Variants in CYSLTR2 observed in about 807,000 individuals in gnomAD.
CYSLTR2 encodes the protein cysteinyl leukotriene receptor 2.
For missense variants in CYSLTR2, 398 were observed against 411.9 expected (o/e 0.97, Z 0.29); for synonymous variants, 179 against 160.8 (o/e 1.11, Z -0.86).
chr13:48,678,383 G>A (rs1316254873), intron 1 of CYSLTR2, among the ~76,000 whole-genome samples: 1 of 151,928 alleles, frequency 6.6e-6, no homozygotes, highest in Admixed American at 6.6e-5. Context: ...GCAAGTCTTG[G>A]CATTGTGTTC....
intron 4 of CYSLTR2, among the ~76,000 whole-genome samples, chr13:48,703,545 A>G (rs765258512): frequency 6.6e-6 from 1 of 152,156 alleles, no homozygotes; most frequent in African/African-American, 2.4e-5. Flanking sequence ...GAATTTTGTC[A>G]TGCACTTTTA....
intron 4 of CYSLTR2, among the ~76,000 whole-genome samples, chr13:48,700,870 A>G (rs536284912): frequency 6.6e-6 from 1 of 152,196 alleles, no homozygotes; most frequent in East Asian, 1.9e-4. Flanking sequence ...TAACAGACAA[A>G]CAAAGAGCCA....
chr13:48,678,417 C>T (rs1288590326), intron 1 of CYSLTR2, among the ~76,000 whole-genome samples: 1 of 152,110 alleles, frequency 6.6e-6, no homozygotes. Context: ...TATCATTTGG[C>T]CAGTCTTTCT....
intron 2 of CYSLTR2, among the ~76,000 whole-genome samples, chr13:48,691,812 G>T (rs1019965813): frequency 6.6e-6 from 1 of 151,810 alleles, no homozygotes; most frequent in Non-Finnish European, 1.5e-5. Flanking sequence ...ATCCTTGAAA[G>T]ATATTTATAT....
chr13:48,706,646 T>C (rs1954495869), intron 4 of CYSLTR2, 171 bp from the exon 5 acceptor site: 1 of 566,306 alleles, frequency 1.8e-6, no homozygotes, highest in South Asian at 2.5e-5. Flanking sequence ...TATTATGAAA[T>C]GTAATGCAGC....
chr13:48,689,259 A>G (rs1953974721), intron 1 of CYSLTR2, among the ~76,000 whole-genome samples: 1 of 152,080 alleles, frequency 6.6e-6, no homozygotes, highest in Non-Finnish European at 1.5e-5. Context: ...TCTTTAGTTT[A>G]ATTAGATCCC....
intron 4 of CYSLTR2, among the ~76,000 whole-genome samples, chr13:48,706,376 C>G (rs2139006815): frequency 6.6e-6 from 1 of 152,308 alleles, no homozygotes; most frequent in Non-Finnish European, 1.5e-5. Flanking sequence ...TCTCTTTGTA[C>G]TTGAAGGATA....
At chr13:48,701,335 T>G (rs1363568346) in intron 4 of CYSLTR2, among the ~76,000 whole-genome samples, 1 of 152,174 alleles carries the variant, frequency 6.6e-6, no homozygotes, top group East Asian at 1.9e-4. Context: ...ACCATACATC[T>G]ACAAGCATCT....
chr13:48,703,281 T>C (rs1954397211), intron 4 of CYSLTR2, among the ~76,000 whole-genome samples: 1 of 152,134 alleles, frequency 6.6e-6, no homozygotes, highest in African/African-American at 2.4e-5. Flanking sequence ...ATCTCTTCCT[T>C]TCTAATCTAT....
intron 1 of CYSLTR2, among the ~76,000 whole-genome samples, chr13:48,683,096 A>G (rs1371826089): frequency 6.6e-6 from 1 of 152,160 alleles, no homozygotes; most frequent in Non-Finnish European, 1.5e-5. Flanking sequence ...TCCATGGTGT[A>G]TATGTACCAT....
chr13:48,693,601 G>C (rs1032546297), intron 3 of CYSLTR2, 91 bp downstream of exon 3: 22 of 150,078 alleles, frequency 1.5e-4, no homozygotes, highest in African/African-American at 5.4e-4. Flanking sequence ...GCCCGCTGCA[G>C]GTGAATAATA....
chr13:48,674,093 ATG>A (rs1269673635), intron 1 of CYSLTR2, among the ~76,000 whole-genome samples: 2 of 152,008 alleles, frequency 1.3e-5, no homozygotes, highest in African/African-American at 2.4e-5. Flanking sequence ...TCTGATGATT[ATG>A]TGTCTTGGGG....
In CYSLTR2 at chr13:48,707,275, G is replaced by A. The variant is rs781600654; in HGVS notation, c.458G>A (p.Arg153Lys). 5 of 1,613,852 alleles carry A rather than the reference G, an allele frequency of 3.1e-6. No individual in the cohort carries two copies. The Admixed American group carries it at 5.0e-5, about 16-fold the overall frequency. ...PFRLLHVTSIRSAWILCGIIW... is the reference protein window; with the variant it reads ...PFRLLHVTSIKSAWILCGIIW... ...CGGCTTCTGCATGTCACCAGCATCA[G>A]GAGTGCCTGGATCCTCTGTGGGATC... Residue 153 changes from arginine to lysine, a missense_variant, in exon 5 of 5, where the codon AGG becomes AAG. Coordinates refer to ENST00000682523, the MANE Select transcript of CYSLTR2 (RefSeq NM_001308476.3).
intron 1 of CYSLTR2, among the ~76,000 whole-genome samples, chr13:48,682,552 G>A (rs1253327225): frequency 6.6e-6 from 1 of 152,080 alleles, no homozygotes. Context: ...CCATCAAAAC[G>A]AGAGAGCCAT....
At chr13:48,655,498 CAG>C (rs1952977973) in intron 1 of CYSLTR2, among the ~76,000 whole-genome samples, 1 of 152,208 alleles carries the variant, frequency 6.6e-6, no homozygotes, top group Non-Finnish European at 1.5e-5. Context: ...GGACTGAAAA[CAG>C]AGCCACAGCG....
rs767558580 is a variant in CYSLTR2 at position 48,707,314 on chromosome 13, T to C, written c.497T>C (p.Ile166Thr). The C allele has an allele frequency of 1.1e-5, 18 of 1,613,946 alleles. No individual in the cohort carries two copies. The Admixed American group carries it at 2.7e-4, about 24-fold the overall frequency. The change falls in exon 5 of 5, where the codon ATC becomes ACC. Residue 166 changes from isoleucine to threonine, a missense_variant. Physicochemically the swap from Ile to Thr is moderately conservative, Grantham distance 89 (BLOSUM62 -1). Coordinates refer to ENST00000682523, the MANE Select transcript of CYSLTR2 (RefSeq NM_001308476.3). ...CTCTGTGGGATCATATGGATCCTTA[T>C]CATGGCTTCCTCAATAATGCTCCTG... is the stretch of plus-strand genomic sequence containing the variant. ...WILCGIIWIL[I>T]MASSIMLLDS...
chr13:48,700,146 G>A (rs916577057), intron 4 of CYSLTR2, among the ~76,000 whole-genome samples: 8 of 152,112 alleles, frequency 5.3e-5, no homozygotes, highest in Non-Finnish European at 1.2e-4. Context: ...AGAAAAAGAG[G>A]GAATCCTCCC....
At chr13:48,702,550 A>G (rs1409151941) in intron 4 of CYSLTR2, among the ~76,000 whole-genome samples, 1 of 152,170 alleles carries the variant, frequency 6.6e-6, no homozygotes, top group Non-Finnish European at 1.5e-5. Flanking sequence ...TGAAAAGCCT[A>G]TCTTTCCTCC....
intron 1 of CYSLTR2, among the ~76,000 whole-genome samples, chr13:48,656,785 C>A (rs116213962): frequency 1.3e-5 from 2 of 152,174 alleles, no homozygotes; most frequent in Non-Finnish European, 2.9e-5. Flanking sequence ...CAAGGGTAAG[C>A]CTTTAAGATA....
Sources: gnomAD v4.1 joint callset for allele counts (sites outside exome capture counted in the v4.1 genomes callset) on GRCh38, gnomAD v4.1.1 for gene constraint, MANE v1.5 for transcripts, NCBI Gene and HGNC (gene_info 2026-07-23, HGNC 2026-07-21) for gene names.